Variants in IL13RA2 observed in about 807,000 individuals in gnomAD.
IL13RA2 encodes the protein interleukin 13 receptor subunit alpha 2.
IL13RA2 carries 25 observed loss-of-function variants against 34.1 expected under a neutral mutation model. The observed-to-expected ratio is 0.73, with a 90% CI of 0.53 to 1.03. The LOEUF (loss-of-function observed/expected upper bound fraction) is 1.03, where lower values mean the gene tolerates loss of function less well. Among genes scored for constraint, IL13RA2 ranks in the 50% least tolerant of loss-of-function variants. The pLI is 0.00. For missense variants in IL13RA2, 297 were observed against 280.9 expected, an observed-to-expected ratio of 1.06 and a Z score of -0.41; for synonymous variants, 106 against 100.4, an observed-to-expected ratio of 1.06 and a Z score of -0.33.
chrX:115,006,527 A>G (rs782214122), intron 8 of IL13RA2, among the ~76,000 whole-genome samples: 1 of 110,887 alleles, frequency 9.0e-6, no homozygotes, highest in South Asian at 3.9e-4. Context: ...TACTAAAAAT[A>G]CAGAAATTAG....
chrX:115,011,842 C>A (rs2071706963), intron 5 of IL13RA2, among the ~76,000 whole-genome samples: 1 of 112,018 alleles, frequency 8.9e-6, no homozygotes, highest in African/African-American at 3.2e-5. Flanking sequence ...AGATGAGGAT[C>A]AAATTATATC....
At chrX:115,005,946 G>A (rs1238860128) in intron 8 of IL13RA2, among the ~76,000 whole-genome samples, 1 of 111,941 alleles carries the variant, frequency 8.9e-6, no homozygotes, top group Non-Finnish European at 1.9e-5. Context: ...AAAAGCAGAC[G>A]AAGTTTGGTC....
chrX:115,004,482 C>T (rs1218159077), intron 9 of IL13RA2, among the ~76,000 whole-genome samples: 1 of 106,125 alleles, frequency 9.4e-6, no homozygotes, highest in Non-Finnish European at 1.9e-5. Flanking sequence ...TGGTGCCTGC[C>T]TGTAGTCCCA....
chrX:115,014,433 T>C lies in IL13RA2; in HGVS notation c.388A>G (p.Ile130Val). 8.4e-7 allele frequency: 1 copy of C among 1,185,120 alleles called. No individual in the cohort carries two copies. Among genetic ancestry groups the C allele is most frequent in the African/African-American group, 1.7e-5 (1 of 57,409 alleles). ...GCTTTGTTTTAACCTTGTGGTGATA[T>C]CCAATAAGTAGTTTCTGCCCAGGAA... ...QSSWAETTYW[I>V]SPQGIPETKV... The change falls in exon 4 of 10, where the codon ATA (isoleucine) becomes GTA (valine). Residue 130 changes from isoleucine to valine, a missense_variant. Ile to Val is a conservative substitution (Grantham distance 29, BLOSUM62 3). Transcript: ENST00000243213.
intron 2 of IL13RA2, 72 bp downstream of exon 2, chrX:115,017,104 T>C: frequency 1.7e-6 from 1 of 591,297 alleles, no homozygotes; most frequent in East Asian, 3.4e-5. Context: ...AAAAAGACAG[T>C]TAATTTTCCA....
chrX:115,005,073 G>T, intron 9 of IL13RA2, 124 bp downstream of exon 9: 1 of 467,620 alleles, frequency 2.1e-6, no homozygotes, highest in African/African-American at 2.4e-5. Flanking sequence ...AATCCATACG[G>T]AATCAATTGT....
At position 115,017,226 on chromosome X, in the gene IL13RA2, A is replaced by G. The variant is rs1602978685; in HGVS notation, c.44T>C (p.Leu15Pro). The change falls in exon 2 of 10, where the codon CTG (leucine) becomes CCG (proline). Residue 15 changes from leucine (L) to proline (P), a missense_variant. Leu to Pro is a moderately conservative substitution (Grantham distance 98). Coordinates refer to ENST00000243213, the MANE Select transcript of IL13RA2 (RefSeq NM_000640.3). Reference sequence around the variant, plus strand: ...AGTACAGCCAAATGTTGTGCTTATCAGAAAGGTATATAAGCATCCGATAGC... The same window carrying G: ...AGTACAGCCAAATGTTGTGCTTATCGGAAAGGTATATAAGCATCCGATAGC... ...CLAIGCLYTFLISTTFGCTSS... is the reference protein window; with the variant it reads ...CLAIGCLYTFPISTTFGCTSS... 1.9e-6 allele frequency: 2 copies of G among 1,031,366 alleles called. No individual in the cohort carries two copies. Among genetic ancestry groups the G allele is most frequent in the Non-Finnish European group, 2.7e-6 (2 of 732,762 alleles). 85.0% of individuals were successfully genotyped at this position (1,031,366 alleles called of 1,213,427 possible).
intron 6 of IL13RA2, among the ~76,000 whole-genome samples, chrX:115,010,393 C>A (rs781870687): frequency 8.9e-6 from 1 of 112,015 alleles, no homozygotes; most frequent in African/African-American, 3.2e-5. Flanking sequence ...ATTGTGAGTT[C>A]TAAATGAAAA....
Position 115,014,484 on chromosome X carries a change from A to G in IL13RA2, c.337T>C (p.Cys113Arg). 1 of 1,193,058 alleles carries G rather than the reference A, an allele frequency of 8.4e-7. No individual in the cohort carries two copies. Residue 113 changes from cysteine (C) to arginine (R), a missense_variant, in exon 4 of 10, where the codon TGC (cysteine) becomes CGC (arginine). Transcript: ENST00000243213. ...AKIHTLLPWQ[C>R]TNGSEVQSSW... ...CTTTGAACTTCTGATCCATTTGTGC[A>G]TTGCCATGGTAAAAGCGTGTGTATC...
chrX:115,004,104 A>G lies in IL13RA2; in HGVS notation c.1119T>C (p.Ile373=). The part of the protein sequence containing the change: ...LRKPNTYPKM[I]PEFFCDT ...TTCATGTATCACAGAAAAATTCTGG[A>G]ATCTAGAAAGAACTCTGTTATTAAC... Residue 373 remains isoleucine, a splice_region_variant and synonymous_variant, in exon 10 of 10, where the codon ATT becomes ATC. Coordinates refer to ENST00000243213, the MANE Select transcript of IL13RA2 (RefSeq NM_000640.3). 9.8e-7 allele frequency: 1 copy of G among 1,020,518 alleles called. No individual in the cohort carries two copies. 84.1% of individuals were successfully genotyped at this position (1,020,518 alleles called of 1,213,427 possible).
chrX:115,012,863 T>C (rs2071711658), intron 5 of IL13RA2, among the ~76,000 whole-genome samples: 1 of 110,877 alleles, frequency 9.0e-6, no homozygotes, highest in Non-Finnish European at 1.9e-5. Flanking sequence ...GGGGAGCAGA[T>C]GAGCCTTGAA....
At chrX:115,005,552 A>G (rs782328741) in intron 8 of IL13RA2, among the ~76,000 whole-genome samples, 2 of 112,259 alleles carry the variant, frequency 1.8e-5, no homozygotes, top group Admixed American at 9.5e-5. Flanking sequence ...TAGAAAAATA[A>G]CTTCCCCAAA....
At chrX:115,017,039 T>C in intron 2 of IL13RA2, 137 bp downstream of exon 2, 1 of 443,995 alleles carries the variant, frequency 2.3e-6, no homozygotes, top group Non-Finnish European at 3.9e-6. Flanking sequence ...CTTCCTGAAA[T>C]AGTTTCAATA....
intron 5 of IL13RA2, among the ~76,000 whole-genome samples, chrX:115,011,544 A>C (rs1272050388): frequency 2.7e-5 from 3 of 112,410 alleles, no homozygotes; most frequent in African/African-American, 9.7e-5. Flanking sequence ...TGCAATGCAA[A>C]CCATGACATT....
intron 3 of IL13RA2, 76 bp from the exon 4 acceptor site, chrX:115,014,650 T>A: frequency 1.5e-6 from 1 of 680,732 alleles, no homozygotes; most frequent in Non-Finnish European, 2.2e-6. Context: ...ATAAGACTAA[T>A]AAATCATTAA....
At position 115,009,611 on chromosome X, in the gene IL13RA2, A is replaced by G. The variant is rs782719191; in HGVS notation, c.762T>C (p.Ile254=). 3.3e-6 allele frequency: 4 copies of G among 1,202,482 alleles called. No individual in the cohort carries two copies. The South Asian group carries it at 7.1e-5, about 21-fold the overall frequency. Residue 254 remains isoleucine, a synonymous_variant, in exon 7 of 10, where the codon ATT becomes ATC. Coordinates refer to ENST00000243213, the MANE Select transcript of IL13RA2 (RefSeq NM_000640.3). ...LTFTRESSCE[I]KLKWSIPLGP... Reference sequence around the variant, plus strand: ...CCAAAGGTATGCTCCATTTCAGCTTAATTTCACATGAACTCTCCCGAGTAA... The same window carrying G: ...CCAAAGGTATGCTCCATTTCAGCTTGATTTCACATGAACTCTCCCGAGTAA...
rs782373091 is a variant in IL13RA2 at position 115,007,995 on chromosome X, C to A, written c.934G>T (p.Val312Leu). The change falls in exon 8 of 10, where the codon GTG becomes TTG. Residue 312 changes from valine (V) to leucine (L), a missense_variant. Physicochemically the swap from Val to Leu is conservative, Grantham distance 32. Transcript: ENST00000243213. ...RQLCFVVRSK[V>L]NIYCSDDGIW... ...CCGTCATCTGAGCAATAAATATTCA[C>A]TTTGCTTCTTACTACAAAGCATAAT... 1.8e-6 allele frequency: 2 copies of A among 1,113,184 alleles called. No homozygotes were observed. Among genetic ancestry groups the A allele is most frequent in the Middle Eastern group, 2.4e-4 (1 of 4,089 alleles). The allele number at this position is 1,113,184 out of a possible 1,213,427, so 91.7% of individuals were successfully genotyped here.
At chrX:115,012,465 TA>T (rs17095056) in intron 5 of IL13RA2, among the ~76,000 whole-genome samples, 7,537 of 109,745 alleles carry the variant, frequency 0.069, 701 homozygotes, top group African/African-American at 0.24. Flanking sequence ...TTACAGGCTA[TA>T]AAAAAAAATA....
rs1556506975 is a variant in IL13RA2 at position 115,004,033 on chromosome X, A to G, written c.*47T>C. The G allele has an allele frequency of 3.9e-6, 3 of 772,460 alleles. No individual in the cohort carries two copies. The highest frequency in any genetic ancestry group is 2.1e-5 in the African/African-American group (1 of 48,487). The allele number at this position is 772,460 out of a possible 1,213,427, so 63.7% of individuals were successfully genotyped here. ...GACTCATATTGAACATTTGGCCATG[A>G]CTGGAAACTGTTGAGTCAATACCAT... On this transcript the variant is annotated 3_prime_UTR_variant, in exon 10 of 10. Transcript: ENST00000243213.
Sources: gnomAD v4.1 joint callset for allele counts (sites outside exome capture counted in the v4.1 genomes callset) on GRCh38, gnomAD v4.1.1 for gene constraint, MANE v1.5 for transcripts, NCBI Gene and HGNC (gene_info 2026-07-23, HGNC 2026-07-21) for gene names.